Variants in SIDT1 observed in about 807,000 individuals in gnomAD.
SIDT1 encodes SID1 transmembrane family member 1.
In SIDT1, 101 loss-of-function variants were observed where a neutral mutation model predicts 107.5. That is an observed-to-expected ratio of 0.94 (90% CI 0.80 to 1.11). SIDT1 has a LOEUF of 1.11. Among genes scored for constraint, SIDT1 ranks in the 50% least tolerant of loss-of-function variants. SIDT1 has a pLI of 0.00. For synonymous variants in SIDT1, 395 were observed against 398.2 expected, an observed-to-expected ratio of 0.99 and a Z score of 0.10; for missense variants, 1,076 against 1,058.2, an observed-to-expected ratio of 1.02 and a Z score of -0.23.
chr3:113,632,341 G>A (rs895248740), downstream of SIDT1, among the ~76,000 whole-genome samples: 7 of 152,010 alleles, frequency 4.6e-5, no homozygotes, highest in African/African-American at 1.4e-4. Flanking sequence ...TAATTCAAAC[G>A]CTCTCTCTTT....
intron 1 of SIDT1, among the ~76,000 whole-genome samples, chr3:113,565,532 G>C (rs1299762245): frequency 6.7e-6 from 1 of 148,626 alleles, no homozygotes; most frequent in African/African-American, 2.5e-5. Flanking sequence ...TCTCAAGAAA[G>C]AAAAAAAAAG....
In SIDT1 at chr3:113,567,400, T is replaced by C. The variant is rs1942016760; in HGVS notation, c.345-140T>C. 7.7e-6 allele frequency: 5 copies of C among 648,386 alleles called. No homozygotes were observed. The South Asian group carries it at 9.9e-5, about 13-fold the overall frequency. 40.2% of individuals were successfully genotyped at this position (648,386 alleles called of 1,614,324 possible). A position where few individuals can be genotyped will look rare whatever the true frequency, so the allele number is the denominator to read the frequency against. The stretch of plus-strand genomic sequence containing the variant: ...CTAGTTCTAAAATTACTATTGATAG[T>C]TCCAGTCTAAAATTCAAAACATAAG... On this transcript the variant is annotated intron_variant, in intron 2 of 24. Coordinates refer to ENST00000264852, the MANE Select transcript of SIDT1 (RefSeq NM_017699.3).
chr3:113,566,151 C>T (rs1941880954), intron 1 of SIDT1, among the ~76,000 whole-genome samples: 1 of 152,102 alleles, frequency 6.6e-6, no homozygotes, highest in Non-Finnish European at 1.5e-5. Flanking sequence ...TGGATTTAGG[C>T]ATCATTTTAA....
chr3:113,563,098 A>G (rs112328370), intron 1 of SIDT1, among the ~76,000 whole-genome samples: 28 of 152,344 alleles, frequency 1.8e-4, no homozygotes, highest in African/African-American at 6.0e-4. Flanking sequence ...CACTGGGGAC[A>G]TAACCCTTTT....
chr3:113,611,910 CTT>C lies in SIDT1; in HGVS notation c.1858-165_1858-164del, dbSNP rs55955952. Among the ~76,000 whole-genome samples, 71 of 146,856 alleles carry C rather than the reference CTT, an allele frequency of 4.8e-4. 1 individual carries two copies. In the South Asian group the frequency reaches 9.2e-3, roughly 19 times the overall value. ...TTCCATTTTCATTTGGCCCAGTAGCCTTTTTTTTTTTTCCTGTCCCTTGGGAG... is the reference window on the plus strand; with the variant it reads ...TTCCATTTTCATTTGGCCCAGTAGCCTTTTTTTTTTCCTGTCCCTTGGGAG... On this transcript the variant is annotated intron_variant, in intron 18 of 24. Coordinates refer to ENST00000264852, the MANE Select transcript of SIDT1 (RefSeq NM_017699.3).
At chr3:113,598,197 A>C (rs1944710765) in intron 10 of SIDT1, among the ~76,000 whole-genome samples, 1 of 152,250 alleles carries the variant, frequency 6.6e-6, no homozygotes, top group Admixed American at 6.5e-5. Context: ...AAACCAGATC[A>C]TGCTCAGTGA....
At chr3:113,614,562 T>C (rs1945974438) in intron 19 of SIDT1, among the ~76,000 whole-genome samples, 1 of 152,254 alleles carries the variant, frequency 6.6e-6, no homozygotes. Context: ...CCAGCCTTTC[T>C]ACCCATGTCA....
intron 3 of SIDT1, 130 bp downstream of exon 3, chr3:113,567,840 T>C (rs2107368501): frequency 1.1e-6 from 1 of 894,502 alleles, no homozygotes; most frequent in Non-Finnish European, 1.7e-6. Flanking sequence ...TAGCACTTCC[T>C]GAACTCTCCT....
chr3:113,598,680 C>T (rs561144561), intron 10 of SIDT1, among the ~76,000 whole-genome samples: 79 of 152,296 alleles, frequency 5.2e-4, no homozygotes, highest in African/African-American at 1.8e-3. Flanking sequence ...ATCTTTAAAA[C>T]ATATGGTAAT....
chr3:113,576,537 G>A (rs1206978546), intron 3 of SIDT1, among the ~76,000 whole-genome samples: 1 of 152,100 alleles, frequency 6.6e-6, no homozygotes, highest in Non-Finnish European at 1.5e-5. Flanking sequence ...AAAGGACCTT[G>A]AACCTGGGTT....
chr3:113,568,654 C>T (rs1453162428), intron 3 of SIDT1, among the ~76,000 whole-genome samples: 1 of 151,158 alleles, frequency 6.6e-6, no homozygotes, highest in Non-Finnish European at 1.5e-5. Context: ...AAATTAAAAC[C>T]ATAATGTGAT....
rs186353473 is a variant in SIDT1, at chr3:113,542,070, C to A, written c.222+8827C>A. ...TCCCCAGTAGCTGGGATTACAGGTG[C>A]GTGCCACCACGCCCAGCTAATTTTT... On this transcript the variant is annotated intron_variant, in intron 1 of 24. Coordinates refer to ENST00000264852, the MANE Select transcript of SIDT1 (RefSeq NM_017699.3). Among the ~76,000 whole-genome samples the A allele has an allele frequency of 5.3e-5, 8 of 151,696 alleles. No individual in the cohort carries two copies. In the East Asian group the frequency reaches 1.6e-3, roughly 29 times the overall value.
At chr3:113,597,294 T>C (rs1388349462) in intron 10 of SIDT1, among the ~76,000 whole-genome samples, 1 of 151,902 alleles carries the variant, frequency 6.6e-6, no homozygotes, top group Non-Finnish European at 1.5e-5. Context: ...GTCAGCAGAT[T>C]GAGACCATCC....
intron 1 of SIDT1, among the ~76,000 whole-genome samples, chr3:113,559,449 T>A (rs1941217057): frequency 6.6e-6 from 1 of 151,312 alleles, no homozygotes; most frequent in Non-Finnish European, 1.5e-5. Flanking sequence ...TTTTTTTTTT[T>A]TATTTTTTGA....
rs1007021144 is a variant in SIDT1, at chr3:113,603,286, G to A, written c.1263+136G>A. 5.8e-5 allele frequency: 51 copies of A among 886,528 alleles called. No individual in the cohort carries two copies. The East Asian group carries it at 1.2e-3, about 20-fold the overall frequency. The allele number at this position is 886,528 out of a possible 1,614,324, so 54.9% of individuals were successfully genotyped here. On this transcript the variant is annotated intron_variant, in intron 12 of 24. Coordinates refer to ENST00000264852, the MANE Select transcript of SIDT1 (RefSeq NM_017699.3). ...ATTTCCCAGAAGACTTAAATCAAAT[G>A]TACCTACAGACTAAAAGCAATACTC...
At chr3:113,550,207 C>A (rs1198309732) in intron 1 of SIDT1, among the ~76,000 whole-genome samples, 1 of 152,192 alleles carries the variant, frequency 6.6e-6, no homozygotes. Context: ...CTTCTCCTAT[C>A]CTTTTTGTCT....
intron 1 of SIDT1, among the ~76,000 whole-genome samples, chr3:113,563,886 T>G (rs1480244843): frequency 6.6e-6 from 1 of 152,158 alleles, no homozygotes; most frequent in African/African-American, 2.4e-5. Context: ...CTTAGAGATA[T>G]AGACTGAACT....
rs1297599135 is a variant in SIDT1, at chr3:113,603,169, C to T, written c.1263+19C>T. 6.8e-6 allele frequency: 11 copies of T among 1,606,062 alleles called. No homozygotes were observed. Among genetic ancestry groups the T allele is most frequent in the Middle Eastern group, 3.3e-4 (2 of 6,044 alleles). On this transcript the variant is annotated intron_variant, in intron 12 of 24. Transcript: ENST00000264852. Reference sequence around the variant, plus strand: ...GACCAAGGTACCCACTCTGCCTCGCCGTACTCTTTGAGAGGGCAGAAAGTT... The same window carrying T: ...GACCAAGGTACCCACTCTGCCTCGCTGTACTCTTTGAGAGGGCAGAAAGTT...
chr3:113,611,434 C>T (rs955208649), intron 18 of SIDT1, among the ~76,000 whole-genome samples: 5 of 152,164 alleles, frequency 3.3e-5, no homozygotes, highest in African/African-American at 7.2e-5. Context: ...CGGGTTCAAG[C>T]GATTCTCCTG....
Sources: allele counts gnomAD v4.1 joint callset (sites outside exome capture counted in the v4.1 genomes callset), GRCh38; gene constraint gnomAD v4.1.1; transcripts MANE v1.5; gene names NCBI Gene and HGNC (gene_info 2026-07-23, HGNC 2026-07-21).